Variants in TRIO observed in about 807,000 individuals in gnomAD.
TRIO encodes triple functional domain protein.
Under a neutral mutation model 351.9 loss-of-function variants are expected in TRIO, and 58 were observed. The ratio of observed to expected loss-of-function variants is 0.16; its 90% CI spans 0.13 to 0.21. TRIO has a LOEUF of 0.21. Ranked by LOEUF, TRIO falls within the 10% of genes least tolerant of loss-of-function variation. TRIO has a pLI of 1.00. For synonymous variants in TRIO, 1,758 were observed against 1,595.7 expected (o/e 1.10, Z -2.42); for missense variants, 3,201 against 4,027.8 (o/e 0.79, Z 5.56).
intron 1 of TRIO, among the ~76,000 whole-genome samples, chr5:14,165,441 A>G (rs1788708073): frequency 6.6e-6 from 1 of 152,186 alleles, no homozygotes; most frequent in African/African-American, 2.4e-5. Flanking sequence ...ACATGATTTC[A>G]TTCTTTTTTA....
intron 19 of TRIO, among the ~76,000 whole-genome samples, chr5:14,375,254 T>C (rs1251700390): frequency 6.6e-6 from 1 of 152,232 alleles, no homozygotes; most frequent in African/African-American, 2.4e-5. Flanking sequence ...ATAAGTCTTC[T>C]GGGCCAGCAA....
intron 11 of TRIO, among the ~76,000 whole-genome samples, chr5:14,353,969 A>T (rs1743380541): frequency 6.6e-6 from 1 of 152,244 alleles, no homozygotes; most frequent in African/African-American, 2.4e-5. Flanking sequence ...AATTTTGCAG[A>T]GGTCCCCACC....
At chr5:14,361,798 T>C (rs1378289196) in intron 13 of TRIO, among the ~76,000 whole-genome samples, 1 of 152,218 alleles carries the variant, frequency 6.6e-6, no homozygotes, top group Non-Finnish European at 1.5e-5. Context: ...AAGCTTTTCC[T>C]GCTTTTTAGA....
intron 1 of TRIO, among the ~76,000 whole-genome samples, chr5:14,148,157 C>A (rs1787624286): frequency 1.3e-5 from 2 of 152,176 alleles, no homozygotes; most frequent in Admixed American, 6.5e-5. Flanking sequence ...TTAAAGAAGC[C>A]ATTTCCACCA....
Position 14,263,477 on chromosome 5 carries a change from G to A in TRIO, c.158-7348G>A, listed in dbSNP as rs138835326. Among the ~76,000 whole-genome samples, 936 of 152,248 alleles carry A rather than the reference G, an allele frequency of 6.1e-3. 10 individuals are homozygous for A. The highest frequency in any genetic ancestry group is 0.021 in the African/African-American group (864 of 41,546). On this transcript the variant is annotated intron_variant, in intron 1 of 56. Coordinates refer to ENST00000344204, the MANE Select transcript of TRIO (RefSeq NM_007118.4). ...GCATTAAAACACATGGGATAATTGA[G>A]TTTTTTCTTTTTCTTTGTCTGAAGA...
At chr5:14,314,357 GA>G (rs1188296810) in intron 8 of TRIO, among the ~76,000 whole-genome samples, 1 of 152,130 alleles carries the variant, frequency 6.6e-6, no homozygotes, top group Non-Finnish European at 1.5e-5. Flanking sequence ...TATTGTAGGT[GA>G]AAAAATTAGA....
intron 1 of TRIO, among the ~76,000 whole-genome samples, chr5:14,242,942 C>G (rs1444571181): frequency 6.6e-6 from 1 of 152,218 alleles, no homozygotes. Flanking sequence ...AGGTAAATTG[C>G]AGGTGAGCTT....
At chr5:14,214,988 G>T (rs1248918038) in intron 1 of TRIO, among the ~76,000 whole-genome samples, 3 of 152,202 alleles carry the variant, frequency 2.0e-5, no homozygotes, top group Non-Finnish European at 4.4e-5. Flanking sequence ...GTAAAATGAT[G>T]AGAAATTTAT....
At chr5:14,411,407 T>G (rs75237904) in intron 33 of TRIO, among the ~76,000 whole-genome samples, 9,019 of 152,180 alleles carry the variant, frequency 0.059, 882 homozygotes, top group African/African-American at 0.21. Context: ...CGAGGCGAGA[T>G]GAGGTATCCT....
chr5:14,189,819 A>G lies in TRIO; in HGVS notation c.157+45937A>G, dbSNP rs143818114. Among the ~76,000 whole-genome samples the G allele has an allele frequency of 7.5e-3, 1,124 of 150,718 alleles. 19 individuals carry two copies. The highest frequency in any genetic ancestry group is 0.026 in the African/African-American group (1,069 of 40,920). On this transcript the variant is annotated intron_variant, in intron 1 of 56. Coordinates refer to ENST00000344204, the MANE Select transcript of TRIO (RefSeq NM_007118.4). ...GATCGTAACTTACTGCAGCCTTTGC[A>G]TCCTGGGCTCAACCTGTCTCAGCCT...
In TRIO at chr5:14,487,882, C is replaced by T. The variant is rs778512550; in HGVS notation, c.7254C>T (p.Pro2418=). The change falls in exon 48 of 57, where the codon CCC becomes CCT. Residue 2418 remains proline, a synonymous_variant. Transcript: ENST00000344204. ...CCAAGATGAAGGTGCTGGAGAGCCC[C>T]AGGAAAGGCGCCGCGAACGCCTCGG... ...PIPKMKVLES[P]RKGAANASGS... 1.0e-5 allele frequency: 16 copies of T among 1,541,052 alleles called. No homozygotes were observed. The South Asian group carries it at 1.9e-4, about 18-fold the overall frequency.
At chr5:14,167,332 G>A (rs1788827633) in intron 1 of TRIO, among the ~76,000 whole-genome samples, 1 of 151,858 alleles carries the variant, frequency 6.6e-6, no homozygotes, top group Non-Finnish European at 1.5e-5. Flanking sequence ...GTCTTGCCCT[G>A]TCTCCCCATT....
At position 14,143,888 on chromosome 5, in the gene TRIO, T is replaced by A; in HGVS notation, c.157+6T>A. ...CGCGGCCTTCTTCCGATCCGGTGAGTGCAACTGCGGCCGGCCCGCCCAGCG... is the reference window on the plus strand; with the variant it reads ...CGCGGCCTTCTTCCGATCCGGTGAGAGCAACTGCGGCCGGCCCGCCCAGCG... On this transcript the variant is annotated splice_donor_region_variant and intron_variant, in intron 1 of 56. Transcript: ENST00000344204. 1 of 1,074,882 alleles carries A rather than the reference T, an allele frequency of 9.3e-7. No individual in the cohort carries two copies. Among genetic ancestry groups the A allele is most frequent in the Non-Finnish European group, 1.1e-6 (1 of 888,686 alleles). 66.6% of individuals were successfully genotyped at this position (1,074,882 alleles called of 1,614,324 possible).
At chr5:14,178,521 G>T (rs113029066) in intron 1 of TRIO, among the ~76,000 whole-genome samples, 89 of 152,320 alleles carry the variant, frequency 5.8e-4, no homozygotes, top group African/African-American at 2.1e-3. Context: ...CCGCGTAATT[G>T]TCTAAACAGA....
chr5:14,403,403 A>ATGAGGGTGTAGGTTGTGG (rs1269591896), intron 31 of TRIO, among the ~76,000 whole-genome samples: 3 of 15,744 alleles, frequency 1.9e-4, no homozygotes, highest in African/African-American at 9.8e-4. Flanking sequence ...GTAGGTTGTG[A>ATGAGGGTGTAGGTTGTGG]TGAGGGTGTA....
chr5:14,340,397 GAAAAAAA>G (rs33944910), intron 11 of TRIO, among the ~76,000 whole-genome samples: 3 of 131,518 alleles, frequency 2.3e-5, no homozygotes, highest in African/African-American at 8.7e-5. Context: ...ACTCCGTCTG[GAAAAAAA>G]AAAAAAAAAA....
At chr5:14,251,493 G>A (rs1794743691) in intron 1 of TRIO, among the ~76,000 whole-genome samples, 1 of 152,346 alleles carries the variant, frequency 6.6e-6, no homozygotes, top group African/African-American at 2.4e-5. Context: ...AGGAACACTT[G>A]TTGGTGCTGC....
chr5:14,401,080 G>A lies in TRIO; in HGVS notation c.4716+16G>A. 1.9e-6 allele frequency: 3 copies of A among 1,604,542 alleles called. No homozygotes were observed. Among genetic ancestry groups the A allele is most frequent in the Non-Finnish European group, 2.6e-6 (3 of 1,172,102 alleles). ...TGTCCTTAAGGTACGTTCATTTGAAGCTGGGAATGTGCTGTTTGAAACATT... is the reference window on the plus strand; with the variant it reads ...TGTCCTTAAGGTACGTTCATTTGAAACTGGGAATGTGCTGTTTGAAACATT... On this transcript the variant is annotated intron_variant, in intron 31 of 56. Transcript: ENST00000344204.
rs1271651625 is a variant in TRIO at position 14,481,280 on chromosome 5, T to A, written c.6383T>A (p.Leu2128Ter). The change falls in exon 44 of 57, where the codon TTA becomes TAA. Residue 2128 changes from leucine (L) to a stop codon, truncating the protein, a stop_gained. Coordinates refer to ENST00000344204, the MANE Select transcript of TRIO (RefSeq NM_007118.4). LOFTEE classifies it high-confidence loss of function. ...AAGGCCAGCCTGGATACATCAGAAT[T>A]AGAGGTACATGCATCAGCGGCTGTG... ...SKKASLDTSELERAVEVMCIV... is the reference protein window; with the variant it reads ...SKKASLDTSE The A allele has an allele frequency of 6.2e-7, 1 of 1,613,902 alleles. No homozygotes were observed. Among genetic ancestry groups the A allele is most frequent in the Non-Finnish European group, 8.5e-7 (1 of 1,179,942 alleles).
Sources: gnomAD v4.1 joint callset for allele counts (sites outside exome capture counted in the v4.1 genomes callset) on GRCh38, gnomAD v4.1.1 for gene constraint, MANE v1.5 for transcripts, NCBI Gene and HGNC (gene_info 2026-07-23, HGNC 2026-07-21) for gene names.